The following KHDRBS2 variants were observed in gnomAD, a reference collection of about 807,000 sequenced individuals.
KHDRBS2 encodes KH domain-containing, RNA-binding, signal transduction-associated protein 2.
A neutral mutation model predicts 44.3 loss-of-function variants in KHDRBS2; 26 were observed. The observed-to-expected ratio is 0.59, with a 90% CI of 0.43 to 0.81. The LOEUF (loss-of-function observed/expected upper bound fraction) is 0.81. KHDRBS2 is among the 40% of genes least tolerant of loss of function. The pLI is 0.00. For synonymous variants in KHDRBS2, 194 were observed against 151.1 expected, an observed-to-expected ratio of 1.28 and a Z score of -2.08; for missense variants, 476 against 433.1, an observed-to-expected ratio of 1.10 and a Z score of -0.88.
chr6:61,617,891 A>G, the KHDRBS2 span, among the ~76,000 whole-genome samples: 1 of 152,306 alleles, frequency 6.6e-6, no homozygotes, highest in African/African-American at 2.4e-5. Flanking sequence ...AGAATACTAC[A>G]TAACATAAAA....
At chr6:61,725,948 T>G (rs1445547417) in intron 7 of KHDRBS2, among the ~76,000 whole-genome samples, 1 of 152,036 alleles carries the variant, frequency 6.6e-6, no homozygotes. Context: ...ACTCCTTCTA[T>G]GAGGCTGGCA....
intron 1 of KHDRBS2, among the ~76,000 whole-genome samples, chr6:62,253,538 A>T (rs1241873090): frequency 2.0e-5 from 3 of 151,904 alleles, no homozygotes; most frequent in African/African-American, 7.2e-5. Context: ...GCTAAAATGC[A>T]AGTTGTACAG....
At chr6:61,974,661 G>C (rs1486192952) in intron 4 of KHDRBS2, among the ~76,000 whole-genome samples, 1 of 151,956 alleles carries the variant, frequency 6.6e-6, no homozygotes, top group Non-Finnish European at 1.5e-5. Flanking sequence ...GTCTGGGTGT[G>C]GTGGCTCACA....
the KHDRBS2 span, among the ~76,000 whole-genome samples, chr6:61,645,479 A>G: frequency 6.6e-6 from 1 of 151,256 alleles, no homozygotes; most frequent in African/African-American, 2.4e-5. Flanking sequence ...AAAAAATTTA[A>G]AAACAAAAAC....
chr6:62,095,802 T>C (rs1800472951), intron 2 of KHDRBS2, among the ~76,000 whole-genome samples: 1 of 151,908 alleles, frequency 6.6e-6, no homozygotes, highest in African/African-American at 2.4e-5. Flanking sequence ...TTCCTGATCT[T>C]AGAGAGAAAG....
intron 6 of KHDRBS2, among the ~76,000 whole-genome samples, chr6:61,755,757 G>C (rs573060626): frequency 6.8e-6 from 1 of 147,592 alleles, no homozygotes; most frequent in Non-Finnish European, 1.5e-5. Flanking sequence ...CCGAGATAAG[G>C]CCATTGCACT....
chr6:61,934,321 GT>G (rs1810640855), intron 4 of KHDRBS2, among the ~76,000 whole-genome samples: 1 of 152,086 alleles, frequency 6.6e-6, no homozygotes, highest in Admixed American at 6.5e-5. Flanking sequence ...CCATTCGTCT[GT>G]TTTTGCTTTT....
At chr6:61,689,455 G>C (rs982306652) in intron 8 of KHDRBS2, among the ~76,000 whole-genome samples, 1 of 151,926 alleles carries the variant, frequency 6.6e-6, no homozygotes, top group African/African-American at 2.4e-5. Context: ...GAATTTTGTG[G>C]AAATTTTGTG....
intron 3 of KHDRBS2, among the ~76,000 whole-genome samples, chr6:62,020,299 G>T (rs1161122607): frequency 6.6e-6 from 1 of 151,926 alleles, no homozygotes; most frequent in Non-Finnish European, 1.5e-5. Context: ...AATTTATGTG[G>T]TCAGACAATA....
chr6:61,681,450 C>T (rs1766285088), intron 8 of KHDRBS2, among the ~76,000 whole-genome samples: 1 of 152,002 alleles, frequency 6.6e-6, no homozygotes, highest in East Asian at 2.0e-4. Flanking sequence ...CACCTGCTCT[C>T]TGTCCCCCAA....
At chr6:61,811,869 A>C (rs1482074087) in intron 6 of KHDRBS2, among the ~76,000 whole-genome samples, 1 of 152,060 alleles carries the variant, frequency 6.6e-6, no homozygotes, top group Admixed American at 6.6e-5. Context: ...ATGTTTCTTC[A>C]TGTACAATTC....
the KHDRBS2 span, among the ~76,000 whole-genome samples, chr6:61,663,535 G>T: frequency 2.6e-4 from 3 of 11,690 alleles, 1 homozygote; most frequent in African/African-American, 4.2e-4. Flanking sequence ...ATGCAGCTGG[G>T]ACATGGCAGT....
At chr6:61,561,418 T>C in the KHDRBS2 span, among the ~76,000 whole-genome samples, 18 of 152,302 alleles carry the variant, frequency 1.2e-4, no homozygotes, top group African/African-American at 4.3e-4. Flanking sequence ...AATCAGTAGG[T>C]CCTTCTACGA....
At chr6:61,843,229 T>C (rs1181794182) in intron 6 of KHDRBS2, among the ~76,000 whole-genome samples, 1 of 152,092 alleles carries the variant, frequency 6.6e-6, no homozygotes, top group Non-Finnish European at 1.5e-5. Context: ...TTCGAAGTGA[T>C]AAAAATGCTC....
intron 2 of KHDRBS2, among the ~76,000 whole-genome samples, chr6:62,128,992 T>A (rs1809620830): frequency 6.6e-6 from 1 of 152,012 alleles, no homozygotes; most frequent in South Asian, 2.1e-4. Flanking sequence ...AAATATAATG[T>A]GTGTGACTAT....
chr6:61,576,959 G>A, the KHDRBS2 span, among the ~76,000 whole-genome samples: 1 of 152,218 alleles, frequency 6.6e-6, no homozygotes, highest in South Asian at 2.1e-4. Context: ...TGATTCTAGT[G>A]TTCAGAAAAG....
chr6:61,723,799 A>G (rs73474505), intron 7 of KHDRBS2, among the ~76,000 whole-genome samples: 53 of 152,218 alleles, frequency 3.5e-4, no homozygotes, highest in African/African-American at 1.3e-3. Flanking sequence ...AATGAACAAT[A>G]CCTCTGATTA....
At chr6:62,018,126 C>T (rs2127276944) in intron 3 of KHDRBS2, among the ~76,000 whole-genome samples, 2 of 150,986 alleles carry the variant, frequency 1.3e-5, no homozygotes, top group South Asian at 4.2e-4. Flanking sequence ...ATTACCGTTA[C>T]CATTTCTGCT....
chr6:61,787,957 G>T (rs924004711), intron 6 of KHDRBS2, among the ~76,000 whole-genome samples: 1 of 151,508 alleles, frequency 6.6e-6, no homozygotes, highest in African/African-American at 2.4e-5. Context: ...ACACATAGGC[G>T]TGCACCACAT....
Sources: gnomAD v4.1 joint callset for allele counts (sites outside exome capture counted in the v4.1 genomes callset) on GRCh38, gnomAD v4.1.1 for gene constraint, MANE v1.5 for transcripts, NCBI Gene and HGNC (gene_info 2026-07-23, HGNC 2026-07-21) for gene names.